KDM4C: variants seen among roughly 807,000 people sequenced by gnomAD.
KDM4C encodes the protein lysine-specific demethylase 4C.
KDM4C carries 81 observed loss-of-function variants against 129.3 expected under a neutral mutation model. That is an observed-to-expected ratio of 0.63 (90% CI 0.52 to 0.75). The LOEUF (loss-of-function observed/expected upper bound fraction) is 0.75. Ranked by LOEUF, KDM4C falls within the 30% of genes least tolerant of loss-of-function variation. KDM4C has a pLI of 0.00. For missense variants in KDM4C, 1,457 were observed against 1,304.0 expected (o/e 1.12, Z -1.81); for synonymous variants, 573 against 456.1 (o/e 1.26, Z -3.26).
intron 1 of KDM4C, among the ~76,000 whole-genome samples, chr9:6,771,793 T>C (rs576689145): frequency 6.6e-6 from 1 of 152,048 alleles, no homozygotes; most frequent in African/African-American, 2.4e-5. Context: ...TACAGTCCAG[T>C]ATTTGGTGAG....
At chr9:6,831,607 G>T (rs1834848112) in intron 4 of KDM4C, among the ~76,000 whole-genome samples, 1 of 152,106 alleles carries the variant, frequency 6.6e-6, no homozygotes, top group Non-Finnish European at 1.5e-5. Flanking sequence ...CCTCTAAAGT[G>T]CTGGGATTAC....
chr9:6,933,561 C>A (rs906748355), intron 8 of KDM4C, among the ~76,000 whole-genome samples: 4 of 152,104 alleles, frequency 2.6e-5, no homozygotes, highest in Admixed American at 6.5e-5. Flanking sequence ...ATTTGACATA[C>A]AATTTAAAAA....
intron 2 of KDM4C, among the ~76,000 whole-genome samples, chr9:6,800,486 C>G (rs752839271): frequency 6.6e-6 from 1 of 152,004 alleles, no homozygotes; most frequent in Non-Finnish European, 1.5e-5. Context: ...CTGCTGTGAG[C>G]TGCGATCATG....
intron 15 of KDM4C, among the ~76,000 whole-genome samples, chr9:7,031,783 G>A (rs543244962): frequency 1.3e-5 from 2 of 152,230 alleles, no homozygotes; most frequent in African/African-American, 2.4e-5. Context: ...AGTGCTGCAC[G>A]TGGCCATTTT....
rs746898124 is a variant in KDM4C at position 6,844,719 on chromosome 9, G to A, written c.436-4788G>A. ...TTCTTTTTTTTTGAGATGGAGTCTC[G>A]CTTTGTTGCCCAGGCTGAAGTGCAG... is the stretch of plus-strand genomic sequence containing the variant. On this transcript the variant is annotated intron_variant, in intron 4 of 21. Coordinates refer to ENST00000381309, the MANE Select transcript of KDM4C (RefSeq NM_015061.6). Among the ~76,000 whole-genome samples the A allele has an allele frequency of 9.2e-5, 14 of 152,110 alleles. No homozygotes were observed. The East Asian group carries it at 1.4e-3, about 15-fold the overall frequency.
intron 8 of KDM4C, among the ~76,000 whole-genome samples, chr9:6,901,558 A>G (rs1817415708): frequency 6.6e-6 from 1 of 152,194 alleles, no homozygotes; most frequent in African/African-American, 2.4e-5. Flanking sequence ...AACTAGGCTC[A>G]TCTACCCCCA....
At chr9:6,931,565 A>C (rs140435838) in intron 8 of KDM4C, among the ~76,000 whole-genome samples, 1 of 152,122 alleles carries the variant, frequency 6.6e-6, no homozygotes, top group Non-Finnish European at 1.5e-5. Flanking sequence ...CAGTGGTGCA[A>C]TCTTGGCTCA....
At chr9:6,776,088 CTT>C (rs1822973613) in intron 1 of KDM4C, among the ~76,000 whole-genome samples, 2 of 152,258 alleles carry the variant, frequency 1.3e-5, no homozygotes, top group African/African-American at 4.8e-5. Flanking sequence ...ACACCTTTCT[CTT>C]TTTTATTTTT....
chr9:6,967,646 C>G (rs983839871), intron 8 of KDM4C, among the ~76,000 whole-genome samples: 15 of 152,020 alleles, frequency 9.9e-5, no homozygotes, highest in Non-Finnish European at 2.1e-4. Context: ...CTCACCTGCA[C>G]CTGTATGCCT....
chr9:6,837,333 A>G (rs1320584474), intron 4 of KDM4C, among the ~76,000 whole-genome samples: 1 of 152,248 alleles, frequency 6.6e-6, no homozygotes, highest in East Asian at 1.9e-4. Context: ...TTACGATTAC[A>G]GGCGTGTGCT....
intron 19 of KDM4C, among the ~76,000 whole-genome samples, chr9:7,128,872 A>G (rs1271803162): frequency 6.6e-6 from 1 of 152,096 alleles, no homozygotes; most frequent in Non-Finnish European, 1.5e-5. Context: ...CTTGGGGCTC[A>G]TTCTGAGGAA....
At chr9:7,014,481 T>C (rs1038194749) in intron 14 of KDM4C, 1 of 153,924 alleles carries the variant, frequency 6.5e-6, no homozygotes, top group African/African-American at 2.4e-5. Context: ...GGGAGAACAG[T>C]CATTACAGTT....
At chr9:6,993,375 T>C (rs1819100628) in intron 12 of KDM4C, among the ~76,000 whole-genome samples, 1 of 152,222 alleles carries the variant, frequency 6.6e-6, no homozygotes, top group Non-Finnish European at 1.5e-5. Flanking sequence ...TGCATGTTTT[T>C]CTAAGGTTAG....
intron 8 of KDM4C, among the ~76,000 whole-genome samples, chr9:6,899,157 A>AT (rs1816936850): frequency 6.7e-6 from 1 of 148,772 alleles, no homozygotes; most frequent in African/African-American, 2.5e-5. Flanking sequence ...GCGCTCTTTT[A>AT]TTTTTTTGCT....
chr9:6,806,914 CTCTCCG>C (rs1194439263), intron 3 of KDM4C, among the ~76,000 whole-genome samples: 3 of 146,670 alleles, frequency 2.0e-5, no homozygotes, highest in Non-Finnish European at 4.6e-5. Flanking sequence ...CTCCCTCTCC[CTCTCCG>C]TCTCCCCACG....
chr9:6,971,380 T>C lies in KDM4C; in HGVS notation c.922-9545T>C, dbSNP rs368616960. ...AAAAGTGCCTGTGAATATGAGGAAA[T>C]GTAGATCATTAAAACTGCATTTATT... is the stretch of plus-strand genomic sequence containing the variant. On this transcript the variant is annotated intron_variant, in intron 8 of 21. Coordinates refer to ENST00000381309, the MANE Select transcript of KDM4C (RefSeq NM_015061.6). 7.7e-4 allele frequency among the ~76,000 whole-genome samples: 117 copies of C among 152,336 alleles called. No individual in the cohort carries two copies. The South Asian group carries it at 0.024, about 31-fold the overall frequency.
intron 19 of KDM4C, among the ~76,000 whole-genome samples, chr9:7,140,401 A>T (rs9299042): frequency 0.15 from 22,416 of 152,180 alleles, 1,888 homozygotes; most frequent in South Asian, 0.18. Flanking sequence ...CAAAAATGTA[A>T]CCAGTGTCTA....
chr9:6,948,518 G>C lies in KDM4C; in HGVS notation c.922-32407G>C, dbSNP rs1827391638. The stretch of plus-strand genomic sequence containing the variant: ...TTTTTTTTTTAATTGATCATTCTTG[G>C]GTGTTTCTCGCAGAGGGGGATTTGG... On this transcript the variant is annotated intron_variant, in intron 8 of 21. Coordinates refer to ENST00000381309, the MANE Select transcript of KDM4C (RefSeq NM_015061.6). 2.8e-5 allele frequency among the ~76,000 whole-genome samples: 4 copies of C among 144,314 alleles called. No individual in the cohort carries two copies. The South Asian group carries it at 8.9e-4, about 32-fold the overall frequency. The allele number at this position is 144,314 out of a possible 152,430, so 94.7% of individuals were successfully genotyped here.
intron 1 of KDM4C, among the ~76,000 whole-genome samples, chr9:6,776,465 T>C (rs1823066382): frequency 6.6e-6 from 1 of 152,048 alleles, no homozygotes; most frequent in African/African-American, 2.4e-5. Context: ...GTTTCCACCA[T>C]GTTGGCCAGG....
Sources: allele counts gnomAD v4.1 joint callset (sites outside exome capture counted in the v4.1 genomes callset), GRCh38; gene constraint gnomAD v4.1.1; transcripts MANE v1.5; gene names NCBI Gene and HGNC (gene_info 2026-07-23, HGNC 2026-07-21).